Variants in FAM81A observed in about 807,000 individuals in gnomAD.
FAM81A encodes family with sequence similarity 81 member A.
Under a neutral mutation model 46.7 loss-of-function variants are expected in FAM81A, and 19 were observed. That is an observed-to-expected ratio of 0.41 (90% confidence interval 0.28 to 0.60). FAM81A has a LOEUF of 0.60. Among genes scored for constraint, FAM81A ranks in the 20% least tolerant of loss-of-function variants. FAM81A has a pLI of 0.34. For missense variants in FAM81A, 377 were observed against 453.5 expected, an observed-to-expected ratio of 0.83 and a Z score of 1.53; for synonymous variants, 183 against 152.9, an observed-to-expected ratio of 1.20 and a Z score of -1.45.
intron 2 of FAM81A, among the ~76,000 whole-genome samples, chr15:59,416,900 G>A (rs1172143844): frequency 6.6e-6 from 1 of 152,106 alleles, no homozygotes; most frequent in African/African-American, 2.4e-5. Flanking sequence ...AATTTTAGAT[G>A]CCAACCTAAA....
At chr15:59,481,498 A>G (rs1198321723) in intron 3 of FAM81A, among the ~76,000 whole-genome samples, 3 of 152,088 alleles carry the variant, frequency 2.0e-5, no homozygotes, top group Admixed American at 6.6e-5. Flanking sequence ...TTCACATTCT[A>G]GTATTTTATA....
chr15:59,501,177 G>A (rs2082087089), intron 4 of FAM81A, among the ~76,000 whole-genome samples: 1 of 152,134 alleles, frequency 6.6e-6, no homozygotes, highest in South Asian at 2.1e-4. Flanking sequence ...TTTTAGTGAT[G>A]TCTGTTTATC....
chr15:59,425,491 GT>G (rs1410644276), intron 2 of FAM81A, among the ~76,000 whole-genome samples: 6 of 151,996 alleles, frequency 3.9e-5, no homozygotes, highest in African/African-American at 4.8e-5. Context: ...TGCTAAAATA[GT>G]TTTTTTCTTT....
chr15:59,501,959 G>A (rs920130112), intron 4 of FAM81A, among the ~76,000 whole-genome samples: 2 of 151,940 alleles, frequency 1.3e-5, no homozygotes, highest in East Asian at 3.9e-4. Context: ...TTGATTTAAC[G>A]CTAGATGAAA....
At chr15:59,409,858 A>G (rs1420428249) in intron 2 of FAM81A, among the ~76,000 whole-genome samples, 4 of 152,194 alleles carry the variant, frequency 2.6e-5, no homozygotes, top group African/African-American at 9.7e-5. Context: ...AATTATGCAG[A>G]ATTATTAAAT....
chr15:59,496,329 G>C (rs1022659520), intron 4 of FAM81A, among the ~76,000 whole-genome samples: 8 of 152,138 alleles, frequency 5.3e-5, no homozygotes, highest in African/African-American at 1.9e-4. Flanking sequence ...CTTGGCGGCC[G>C]GGAGCGGTGG....
intron 2 of FAM81A, among the ~76,000 whole-genome samples, chr15:59,422,926 G>T (rs1488817099): frequency 6.6e-6 from 1 of 152,088 alleles, no homozygotes; most frequent in Non-Finnish European, 1.5e-5. Flanking sequence ...TTTCTTAACT[G>T]TATGAATATT....
chr15:59,516,529 C>A, intron 7 of FAM81A, 116 bp from the exon 8 acceptor site: 2 of 970,222 alleles, frequency 2.1e-6, no homozygotes, highest in Non-Finnish European at 3.1e-6. Context: ...GGGCAACAAG[C>A]AGCTGTTGCA....
intron 3 of FAM81A, among the ~76,000 whole-genome samples, chr15:59,464,750 C>A (rs1212948544): frequency 6.6e-6 from 1 of 152,146 alleles, no homozygotes; most frequent in East Asian, 1.9e-4. Context: ...GTATTTTTCT[C>A]CCATCCTGTA....
At chr15:59,432,941 C>G (rs796071514) in intron 2 of FAM81A, among the ~76,000 whole-genome samples, 48 of 149,230 alleles carry the variant, frequency 3.2e-4, no homozygotes, top group African/African-American at 1.2e-3. Context: ...CGAGACCATC[C>G]TCCCTAACAC....
chr15:59,432,862 A>G (rs570606358), intron 2 of FAM81A, among the ~76,000 whole-genome samples: 2 of 152,156 alleles, frequency 1.3e-5, no homozygotes, highest in Non-Finnish European at 1.5e-5. Flanking sequence ...CAGGCCGGGC[A>G]TGGTGGCTCA....
intron 5 of FAM81A, among the ~76,000 whole-genome samples, chr15:59,507,720 G>A (rs1453237204): frequency 2.0e-5 from 3 of 152,194 alleles, no homozygotes; most frequent in African/African-American, 4.8e-5. Flanking sequence ...TATTCCCTGG[G>A]ACTCATTGTA....
At chr15:59,450,624 T>C (rs1391732520) in intron 1 of FAM81A, among the ~76,000 whole-genome samples, 1 of 152,002 alleles carries the variant, frequency 6.6e-6, no homozygotes, top group Non-Finnish European at 1.5e-5. Context: ...GGGGATTTTA[T>C]CTCTTATGGC....
intron 3 of FAM81A, among the ~76,000 whole-genome samples, chr15:59,472,194 G>T (rs183870372): frequency 6.6e-6 from 1 of 152,082 alleles, no homozygotes; most frequent in African/African-American, 2.4e-5. Flanking sequence ...GAGCAGGCTG[G>T]GCTGGGCGCG....
At chr15:59,449,781 CAAAAAAAAAAAAAAAAAA>C (rs71119473) in intron 1 of FAM81A, among the ~76,000 whole-genome samples, 1 of 70,314 alleles carries the variant, frequency 1.4e-5, no homozygotes, top group Non-Finnish European at 2.7e-5. Flanking sequence ...GACTCTGTCT[CAAAAAAAAAAAAAAAAAA>C]AAAAAAAAAA....
chr15:59,505,166 T>C (rs576831108), intron 4 of FAM81A, among the ~76,000 whole-genome samples: 3 of 152,292 alleles, frequency 2.0e-5, no homozygotes, highest in Non-Finnish European at 4.4e-5. Flanking sequence ...AGTGAGTTCC[T>C]TGCTACTATC....
intron 3 of FAM81A, among the ~76,000 whole-genome samples, chr15:59,469,210 T>A (rs1263678523): frequency 6.6e-6 from 1 of 152,232 alleles, no homozygotes; most frequent in Non-Finnish European, 1.5e-5. Context: ...GAGAGTTCTG[T>A]AGATGTCTAT....
At chr15:59,405,415 T>C (rs934294086) in intron 2 of FAM81A, among the ~76,000 whole-genome samples, 1 of 151,674 alleles carries the variant, frequency 6.6e-6, no homozygotes, top group Non-Finnish European at 1.5e-5. Flanking sequence ...CTGAGGCGGG[T>C]GGATCTCTTA....
At position 59,460,627 on chromosome 15, in the gene FAM81A, T is replaced by G. The variant is rs2081540597; in HGVS notation, c.294+421T>G. ...CATAATGATTATATGTAATACAGTT[T>G]ATTACTCAAACAATTTAGGCATTTG... is the stretch of plus-strand genomic sequence containing the variant. On this transcript the variant is annotated intron_variant, in intron 3 of 8. Transcript: ENST00000288228. The surrounding 1 kb of genome is among the most constrained non-coding windows in gnomAD (Gnocchi z 4.4). 4.0e-6 allele frequency: 1 copy of G among 251,832 alleles called. No individual in the cohort carries two copies. Among genetic ancestry groups the G allele is most frequent in the Non-Finnish European group, 7.8e-6 (1 of 128,100 alleles). 15.6% of individuals were successfully genotyped at this position (251,832 alleles called of 1,614,324 possible). A position where few individuals can be genotyped will look rare whatever the true frequency, so the allele number is the denominator to read the frequency against.
Sources: gnomAD v4.1 joint callset for allele counts (sites outside exome capture counted in the v4.1 genomes callset) on GRCh38, gnomAD v4.1.1 for gene constraint, Gnocchi (gnomAD v3.1) non-coding constraint, MANE v1.5 for transcripts, NCBI Gene and HGNC (gene_info 2026-07-23, HGNC 2026-07-21) for gene names.